Variants in SEC61A1 observed in about 807,000 individuals in gnomAD.
SEC61A1 encodes protein transport protein Sec61 subunit alpha isoform 1.
SEC61A1 carries 15 observed loss-of-function variants against 55.2 expected under a neutral mutation model. The ratio of observed to expected loss-of-function variants is 0.27; its 90% confidence interval spans 0.18 to 0.42. The LOEUF is 0.42. Ranked by LOEUF, SEC61A1 falls within the 10% of genes least tolerant of loss-of-function variation. The pLI is 1.00. For synonymous variants in SEC61A1, 247 were observed against 234.0 expected (o/e 1.06, Z -0.51); for missense variants, 284 against 602.6 (o/e 0.47, Z 5.53).
rs773669697 is a variant in SEC61A1 at position 128,055,663 on chromosome 3, C to T, written c.142-10C>T. 1.2e-6 allele frequency: 2 copies of T among 1,613,872 alleles called. No individual in the cohort carries two copies. The highest frequency in any genetic ancestry group is 1.7e-5 in the Admixed American group (1 of 60,012). ...GAGTGCTGACTGTTTTGCTCTTTGC[C>T]TGTTCCCAGATTCCCCTGTTTGGGA... On this transcript the variant is annotated splice_polypyrimidine_tract_variant and intron_variant, in intron 3 of 11. Transcript: ENST00000243253.
At position 128,067,507 on chromosome 3, in the gene SEC61A1, G is replaced by C. The variant is rs1942016204; in HGVS notation, c.1062G>C (p.Val354=). The C allele has an allele frequency of 1.2e-6, 2 of 1,614,178 alleles. No homozygotes were observed. The highest frequency in any genetic ancestry group is 1.7e-6 in the Non-Finnish European group (2 of 1,180,014). ...CCCCTCCAGAATCTTTTGGCTCCGT[G>C]TTAGAAGACCCGGTCCATGCAGTTG... is the stretch of plus-strand genomic sequence containing the variant. ...YLSPPESFGS[V]LEDPVHAVVY... The change falls in exon 10 of 12, where the codon GTG becomes GTC. Residue 354 remains valine (V), a synonymous_variant. Coordinates refer to ENST00000243253, the MANE Select transcript of SEC61A1 (RefSeq NM_013336.4). This position sits in a 1 kb window ranked among gnomAD's most constrained non-coding sequence, Gnocchi z 4.1.
Position 128,056,779 on chromosome 3 carries a change from C to T in SEC61A1, c.291C>T (p.Ala97=). 1.2e-6 allele frequency: 2 copies of T among 1,610,650 alleles called. No homozygotes were observed. ...TTATAATGCAACTCTTGGCTGGCGC[C>T]AAGATAATTGAAGTTGGTGACACCC... is the stretch of plus-strand genomic sequence containing the variant. ...SGLIMQLLAG[A]KIIEVGDTPK... Residue 97 remains alanine (A), a synonymous_variant, in exon 5 of 12, where the codon GCC becomes GCT. Transcript: ENST00000243253.
upstream of SEC61A1, chr3:128,052,391 G>GCCCCGC (rs1941696870): frequency 6.7e-6 from 8 of 1,190,872 alleles, no homozygotes; most frequent in African/African-American, 1.6e-5. Flanking sequence ...CCCGGCCCCG[G>GCCCCGC]CCCCGCCCCG....
At position 128,069,656 on chromosome 3, in the gene SEC61A1, C is replaced by T. The variant is rs1361483680; in HGVS notation, c.1425C>T (p.Leu475=). The T allele has an allele frequency of 6.2e-7, 1 of 1,613,960 alleles. No individual in the cohort carries two copies. Among genetic ancestry groups the T allele is most frequent in the Non-Finnish European group, 8.5e-7 (1 of 1,179,928 alleles). ...QSEVGSMGAL[L]F is the part of the protein sequence containing the mutation. ...AGGTTGGCAGCATGGGGGCCCTGCT[C>T]TTCTGAGCCCGTCTCCCGGACAGGT... Residue 475 remains leucine (L), a synonymous_variant, in exon 12 of 12, where the codon CTC becomes CTT. Coordinates refer to ENST00000243253, the MANE Select transcript of SEC61A1 (RefSeq NM_013336.4).
At chr3:128,061,790 C>G (rs976225155) in intron 7 of SEC61A1, among the ~76,000 whole-genome samples, 1 of 152,176 alleles carries the variant, frequency 6.6e-6, no homozygotes, top group African/African-American at 2.4e-5. Context: ...TGTAGGAGTT[C>G]AGGTATTTGT....
chr3:128,055,442 C>T, intron 2 of SEC61A1, 74 bp from the exon 3 acceptor site: 1 of 1,168,958 alleles, frequency 8.6e-7, no homozygotes. Context: ...AGAAAGGGGT[C>T]TGATTGGAGT....
upstream of SEC61A1, chr3:128,052,377 G>C: frequency 1.8e-6 from 2 of 1,110,896 alleles, no homozygotes; most frequent in Non-Finnish European, 2.2e-6. Context: ...GAAGCGATCC[G>C]AGGCCCGGCC....
intron 11 of SEC61A1, 91 bp downstream of exon 11, chr3:128,068,150 C>A: frequency 1.1e-6 from 1 of 893,366 alleles, no homozygotes; most frequent in Non-Finnish European, 1.8e-6. Context: ...CTAGCACTTA[C>A]TGGGTCACTA....
chr3:128,053,240 C>T (rs377255937), intron 2 of SEC61A1, among the ~76,000 whole-genome samples: 1 of 152,182 alleles, frequency 6.6e-6, no homozygotes, highest in African/African-American at 2.4e-5. Context: ...CCTTTTTCAC[C>T]TCCAACGGGA....
rs778334971 is a variant in SEC61A1 at position 128,052,531 on chromosome 3, C to T, written c.-22C>T. On this transcript the variant is annotated 5_prime_UTR_variant, in exon 1 of 12. Transcript: ENST00000243253. Reference sequence around the variant, plus strand: ...AGCAGAGCTGAGCTGAAGCGGGACCCGGAGCCCGAGCAGCCGCCGCCATGG... The same window carrying T: ...AGCAGAGCTGAGCTGAAGCGGGACCTGGAGCCCGAGCAGCCGCCGCCATGG... 6.1e-5 allele frequency: 98 copies of T among 1,595,710 alleles called. No individual in the cohort carries two copies. The Middle Eastern group carries it at 8.3e-4, about 13-fold the overall frequency.
At position 128,068,159 on chromosome 3, in the gene SEC61A1, T is replaced by A. The variant is rs2107652752; in HGVS notation, c.1244+100T>A. 6.0e-6 allele frequency: 5 copies of A among 829,502 alleles called. No individual in the cohort carries two copies. The Middle Eastern group carries it at 1.2e-3, about 200-fold the overall frequency. 51.4% of individuals were successfully genotyped at this position (829,502 alleles called of 1,614,324 possible). On this transcript the variant is annotated intron_variant, in intron 11 of 11. Coordinates refer to ENST00000243253, the MANE Select transcript of SEC61A1 (RefSeq NM_013336.4). ...TAGGCCCTAGCACTTACTGGGTCAC[T>A]AAATCTTATCCTTGGGTTACAGGAC...
intron 7 of SEC61A1, among the ~76,000 whole-genome samples, chr3:128,063,604 G>C (rs1336400619): frequency 6.6e-6 from 1 of 152,176 alleles, no homozygotes; most frequent in Non-Finnish European, 1.5e-5. Flanking sequence ...CAAAGTGCTG[G>C]GATTACAGGC....
chr3:128,065,116 C>T, intron 8 of SEC61A1, 79 bp downstream of exon 8: 1 of 1,367,664 alleles, frequency 7.3e-7, no homozygotes, highest in South Asian at 1.2e-5. Context: ...GTCCCCCACT[C>T]TGTGGGGTGC....
At chr3:128,069,105 AAAAG>A (rs1409411418) in intron 11 of SEC61A1, among the ~76,000 whole-genome samples, 1 of 152,272 alleles carries the variant, frequency 6.6e-6, no homozygotes, top group Non-Finnish European at 1.5e-5. Context: ...TAAAAAAGTA[AAAAG>A]AAACAGGTGA....
At chr3:128,051,917 C>A, upstream of SEC61A1, 1 of 1,532,770 alleles carries the variant, frequency 6.5e-7, no homozygotes, top group Non-Finnish European at 8.7e-7. Context: ...CTCGGTAAGC[C>A]CCACCAGCCC....
rs1942027421 is a variant in SEC61A1, at chr3:128,067,732, TA to T, written c.1167+121del. The T allele has an allele frequency of 2.4e-6, 2 of 832,532 alleles. No individual in the cohort carries two copies. Among genetic ancestry groups the T allele is most frequent in the South Asian group, 1.7e-5 (1 of 57,796 alleles). 51.6% of individuals were successfully genotyped at this position (832,532 alleles called of 1,614,324 possible). A position where few individuals can be genotyped will look rare whatever the true frequency, so the allele number is the denominator to read the frequency against. On this transcript the variant is annotated intron_variant, in intron 10 of 11. Transcript: ENST00000243253. The surrounding 1 kb of genome is among the most constrained non-coding windows in gnomAD (Gnocchi z 4.1). ...CGTGTGCAGATAGATCGTCGTCCTT[TA>T]GGGGGCAGTTCAGAAGCTTTAAGGG...
intron 7 of SEC61A1, among the ~76,000 whole-genome samples, chr3:128,061,901 C>T (rs535522175): frequency 6.6e-6 from 1 of 152,294 alleles, no homozygotes; most frequent in East Asian, 1.9e-4. Context: ...TAGTAGCCGC[C>T]AGAGGCTCAT....
chr3:128,064,755 T>C (rs547968269), intron 7 of SEC61A1, 122 bp from the exon 8 acceptor site: 7 of 752,510 alleles, frequency 9.3e-6, no homozygotes, highest in Admixed American at 5.6e-5. Flanking sequence ...CCTGTGGCTA[T>C]GGGCACCATG....
At chr3:128,061,014 C>T (rs915443785) in intron 7 of SEC61A1, among the ~76,000 whole-genome samples, 1 of 152,064 alleles carries the variant, frequency 6.6e-6, no homozygotes, top group East Asian at 1.9e-4. Context: ...CATGACTGTC[C>T]TCATATGTTC....
Sources: gnomAD v4.1 joint callset for allele counts (sites outside exome capture counted in the v4.1 genomes callset) on GRCh38, gnomAD v4.1.1 for gene constraint, Gnocchi (gnomAD v3.1) non-coding constraint, MANE v1.5 for transcripts, NCBI Gene and HGNC (gene_info 2026-07-23, HGNC 2026-07-21) for gene names.